Variants in B3GALT1 observed in about 807,000 individuals in gnomAD.
B3GALT1 encodes the protein UDP-Gal:betaGlcNAc beta 1,3-galactosyltransferase, polypeptide 1.
In B3GALT1, 10 loss-of-function variants were observed where a neutral mutation model predicts 23.2. The observed-to-expected ratio is 0.43, with a 90% CI of 0.27 to 0.73. The LOEUF (loss-of-function observed/expected upper bound fraction) is 0.73. Ranked by LOEUF, B3GALT1 falls within the 30% of genes least tolerant of loss-of-function variation. The pLI is 0.21. For missense variants in B3GALT1, 299 were observed against 405.4 expected, an observed-to-expected ratio of 0.74 and a Z score of 2.25; for synonymous variants, 156 against 141.5, an observed-to-expected ratio of 1.10 and a Z score of -0.73.
At chr2:167,730,330 T>G (rs1207430463) in intron 3 of B3GALT1, among the ~76,000 whole-genome samples, 1 of 152,186 alleles carries the variant, frequency 6.6e-6, no homozygotes, top group East Asian at 1.9e-4. Context: ...TAATGGTGTC[T>G]GCAACAACTC....
At chr2:167,349,431 T>G (rs868800321) in intron 1 of B3GALT1, among the ~76,000 whole-genome samples, 1 of 152,180 alleles carries the variant, frequency 6.6e-6, no homozygotes, top group South Asian at 2.1e-4. Context: ...TGCTGGCAAT[T>G]CGGATATGCC....
intron 1 of B3GALT1, among the ~76,000 whole-genome samples, chr2:167,356,950 AT>A (rs1290218186): frequency 1.3e-5 from 2 of 152,016 alleles, no homozygotes; most frequent in East Asian, 1.9e-4. Context: ...GTAAAAATGT[AT>A]TTTTTAATAG....
At chr2:167,838,556 G>T (rs1468763313) in intron 4 of B3GALT1, among the ~76,000 whole-genome samples, 2 of 152,276 alleles carry the variant, frequency 1.3e-5, no homozygotes, top group African/African-American at 4.8e-5. Context: ...ACCATAAAGA[G>T]TCCAGGACCA....
At chr2:167,719,036 A>G (rs1460209928) in intron 3 of B3GALT1, among the ~76,000 whole-genome samples, 1 of 152,230 alleles carries the variant, frequency 6.6e-6, no homozygotes, top group Admixed American at 6.5e-5. Context: ...TTCATGCAAC[A>G]TCATCTCAGT....
chr2:167,861,539 C>CA (rs1559006260), intron 4 of B3GALT1, among the ~76,000 whole-genome samples: 2 of 151,930 alleles, frequency 1.3e-5, no homozygotes, highest in Non-Finnish European at 2.9e-5. Context: ...TAGCATGAAT[C>CA]AAAAAAAGCC....
chr2:167,565,814 C>G (rs9751399), intron 2 of B3GALT1, among the ~76,000 whole-genome samples: 25 of 151,558 alleles, frequency 1.6e-4, no homozygotes, highest in South Asian at 6.3e-4. Context: ...CCATCTCACA[C>G]CAGTTAGAAT....
At chr2:167,795,008 AAACAATTGATTCTG>A (rs1688519792) in intron 3 of B3GALT1, among the ~76,000 whole-genome samples, 1 of 152,212 alleles carries the variant, frequency 6.6e-6, no homozygotes, top group South Asian at 2.1e-4. Context: ...TTCTGATTGC[AAACAATTGATTCTG>A]AACAAGAACA....
chr2:167,563,846 A>C (rs1684080663), intron 2 of B3GALT1, among the ~76,000 whole-genome samples: 1 of 132,592 alleles, frequency 7.5e-6, no homozygotes, highest in Non-Finnish European at 1.7e-5. Flanking sequence ...ACCTCCCAGC[A>C]GGGGCGGCCG....
chr2:167,870,775 A>G lies in B3GALT1; in HGVS notation c.*755A>G, dbSNP rs939687941. 4.8e-5 allele frequency: 8 copies of G among 166,800 alleles called. No homozygotes were observed. Among genetic ancestry groups the G allele is most frequent in the Non-Finnish European group, 7.3e-5 (5 of 68,086 alleles). The allele number at this position is 166,800 out of a possible 1,614,324, so 10.3% of individuals were successfully genotyped here. ...CAAACATTAAATGGTGCCTCCAAGGAAACTTTGCCAAATATAATCTCACCT... is the reference window on the plus strand; with the variant it reads ...CAAACATTAAATGGTGCCTCCAAGGGAACTTTGCCAAATATAATCTCACCT... On this transcript the variant is annotated 3_prime_UTR_variant, in exon 5 of 5. Coordinates refer to ENST00000392690, the MANE Select transcript of B3GALT1 (RefSeq NM_020981.4).
chr2:167,560,086 A>C (rs565697352), intron 2 of B3GALT1, among the ~76,000 whole-genome samples: 1 of 152,374 alleles, frequency 6.6e-6, no homozygotes, highest in East Asian at 1.9e-4. Context: ...AGGGAAGCCC[A>C]TCAGACTAAC....
At chr2:167,668,552 G>T (rs1389358060) in intron 3 of B3GALT1, among the ~76,000 whole-genome samples, 1 of 152,032 alleles carries the variant, frequency 6.6e-6, no homozygotes, top group East Asian at 1.9e-4. Context: ...CCCCAGCCTC[G>T]CTGCCGCCTT....
chr2:167,863,720 C>T (rs1199784379), intron 4 of B3GALT1, among the ~76,000 whole-genome samples: 1 of 152,092 alleles, frequency 6.6e-6, no homozygotes, highest in Admixed American at 6.5e-5. Flanking sequence ...TGTTTTGCCA[C>T]CTGAGAAATC....
At chr2:167,584,466 G>A (rs1404238684) in intron 2 of B3GALT1, among the ~76,000 whole-genome samples, 1 of 152,138 alleles carries the variant, frequency 6.6e-6, no homozygotes, top group African/African-American at 2.4e-5. Context: ...TCAGATGAAT[G>A]GGGACTTCTC....
intron 2 of B3GALT1, among the ~76,000 whole-genome samples, chr2:167,510,986 T>C: frequency 6.6e-6 from 1 of 152,116 alleles, no homozygotes; most frequent in Admixed American, 6.5e-5. Context: ...TTAGAATCAA[T>C]AAAAAAAGAG....
At chr2:167,486,664 G>A (rs934131663) in intron 1 of B3GALT1, among the ~76,000 whole-genome samples, 11 of 151,866 alleles carry the variant, frequency 7.2e-5, no homozygotes, top group Admixed American at 2.6e-4. Flanking sequence ...GTTGCAGTGA[G>A]CCGAGATCAC....
chr2:167,565,344 G>A (rs368386300), intron 2 of B3GALT1, among the ~76,000 whole-genome samples: 16 of 152,128 alleles, frequency 1.1e-4, no homozygotes, highest in South Asian at 6.2e-4. Context: ...TACACCTTAT[G>A]CAAAAATCAA....
At chr2:167,408,056 AC>A (rs1698330691) in intron 1 of B3GALT1, among the ~76,000 whole-genome samples, 1 of 150,842 alleles carries the variant, frequency 6.6e-6, no homozygotes, top group South Asian at 2.1e-4. Context: ...ACACACACAC[AC>A]ACACACACAC....
In B3GALT1 at chr2:167,823,275, G is replaced by C. The variant is rs900632354; in HGVS notation, c.-230+4482G>C. On this transcript the variant is annotated intron_variant, in intron 4 of 4. Transcript: ENST00000392690. ...TAGGGCTTATTTGTTACAGCTGCTG[G>C]TGTGGACCTAACAGAGAGTATGCAT... is the stretch of plus-strand genomic sequence containing the variant. 4.6e-5 allele frequency among the ~76,000 whole-genome samples: 7 copies of C among 152,326 alleles called. No individual in the cohort carries two copies. The East Asian group carries it at 1.3e-3, about 29-fold the overall frequency.
At chr2:167,596,426 T>A (rs1684775639) in intron 2 of B3GALT1, among the ~76,000 whole-genome samples, 1 of 152,202 alleles carries the variant, frequency 6.6e-6, no homozygotes, top group African/African-American at 2.4e-5. Context: ...AATTCTACCA[T>A]TTATTAAATG....
Sources: gnomAD v4.1 joint callset for allele counts (sites outside exome capture counted in the v4.1 genomes callset) on GRCh38, gnomAD v4.1.1 for gene constraint, MANE v1.5 for transcripts, NCBI Gene and HGNC (gene_info 2026-07-23, HGNC 2026-07-21) for gene names.